Variants in SOX5 observed in about 807,000 individuals in gnomAD.
SOX5 encodes the protein SRY-box transcription factor 5.
In SOX5, 9 loss-of-function variants were observed where a neutral mutation model predicts 92.0. That is an observed-to-expected ratio of 0.10 (90% CI 0.06 to 0.17). The LOEUF is 0.17. SOX5 is among the 10% of genes least tolerant of loss of function. SOX5 has a pLI of 1.00. For synonymous variants in SOX5, 344 were observed against 336.3 expected, an observed-to-expected ratio of 1.02 and a Z score of -0.25; for missense variants, 642 against 944.5, an observed-to-expected ratio of 0.68 and a Z score of 4.20.
At chr12:23,988,345 C>A (rs16926929) in intron 4 of SOX5, among the ~76,000 whole-genome samples, 1 of 152,056 alleles carries the variant, frequency 6.6e-6, no homozygotes, top group African/African-American at 2.4e-5. Context: ...AGATCCCAAC[C>A]TTTAGAGTGA....
At chr12:23,836,954 T>C (rs1029602705) in intron 3 of SOX5, among the ~76,000 whole-genome samples, 1 of 151,618 alleles carries the variant, frequency 6.6e-6, no homozygotes, top group Non-Finnish European at 1.5e-5. Flanking sequence ...AGAGTATAAG[T>C]TTTTTAGTTA....
intron 3 of SOX5, among the ~76,000 whole-genome samples, chr12:24,230,089 G>A (rs1963045206): frequency 6.6e-6 from 1 of 152,098 alleles, no homozygotes; most frequent in African/African-American, 2.4e-5. Context: ...CCATCACTCA[G>A]ATTGGCCTTG....
At chr12:24,334,913 T>C (rs74490626) in intron 2 of SOX5, among the ~76,000 whole-genome samples, 1 of 147,824 alleles carries the variant, frequency 6.8e-6, no homozygotes, top group African/African-American at 2.5e-5. Flanking sequence ...CCCAATTATG[T>C]AAAAAAAAAA....
intron 6 of SOX5, among the ~76,000 whole-genome samples, chr12:23,728,888 C>G (rs1196525645): frequency 6.6e-6 from 1 of 152,072 alleles, no homozygotes; most frequent in East Asian, 1.9e-4. Flanking sequence ...AATTTCTAAC[C>G]TTACTTAGTT....
chr12:24,523,937 A>C (rs1345514872), intron 1 of SOX5, among the ~76,000 whole-genome samples: 1 of 152,264 alleles, frequency 6.6e-6, no homozygotes, highest in Non-Finnish European at 1.5e-5. Context: ...AAGACAATCA[A>C]AGAGTGAAAA....
intron 6 of SOX5, among the ~76,000 whole-genome samples, chr12:23,714,144 GCTCTTTCTTAA>G (rs1234356493): frequency 6.6e-6 from 1 of 150,952 alleles, no homozygotes; most frequent in Non-Finnish European, 1.5e-5. Flanking sequence ...TGGTACATTT[GCTCTTTCTTAA>G]CTGTTTGGTA....
intron 2 of SOX5, among the ~76,000 whole-genome samples, chr12:23,861,032 G>C (rs1325763149): frequency 6.9e-6 from 1 of 145,546 alleles, no homozygotes; most frequent in African/African-American, 2.6e-5. Context: ...CAAACAGAGA[G>C]AGAAGTAGGA....
chr12:24,487,921 T>A (rs7970266), intron 1 of SOX5, among the ~76,000 whole-genome samples: 4 of 151,868 alleles, frequency 2.6e-5, no homozygotes, highest in Non-Finnish European at 4.4e-5. Flanking sequence ...TCAGTACGTT[T>A]CAAACCCAAG....
At chr12:24,243,196 C>A (rs1418564520) in intron 3 of SOX5, among the ~76,000 whole-genome samples, 1 of 152,074 alleles carries the variant, frequency 6.6e-6, no homozygotes, top group African/African-American at 2.4e-5. Context: ...AGCTCATTTA[C>A]CTGATCCTAC....
At chr12:24,229,630 T>C (rs1025415715) in intron 3 of SOX5, among the ~76,000 whole-genome samples, 2 of 152,180 alleles carry the variant, frequency 1.3e-5, no homozygotes, top group Non-Finnish European at 1.5e-5. Context: ...GTAAATCACT[T>C]TGACACCCTT....
At chr12:24,484,319 A>C (rs774870031) in intron 1 of SOX5, among the ~76,000 whole-genome samples, 8 of 152,200 alleles carry the variant, frequency 5.3e-5, no homozygotes, top group Non-Finnish European at 1.2e-4. Flanking sequence ...AAGAATTATA[A>C]ACTTCTTGAG....
At chr12:24,413,172 G>A (rs1397573130) in intron 1 of SOX5, among the ~76,000 whole-genome samples, 2 of 152,242 alleles carry the variant, frequency 1.3e-5, no homozygotes, top group Middle Eastern at 3.4e-3. Context: ...ATAACATTGT[G>A]AGTTTGTCTA....
At chr12:24,267,539 C>G (rs1466026586) in intron 3 of SOX5, among the ~76,000 whole-genome samples, 1 of 152,138 alleles carries the variant, frequency 6.6e-6, no homozygotes, top group Non-Finnish European at 1.5e-5. Flanking sequence ...CAGAATATGA[C>G]TGTGAGCAAC....
intron 6 of SOX5, among the ~76,000 whole-genome samples, chr12:23,692,189 T>A (rs1467348245): frequency 3.3e-5 from 5 of 152,038 alleles, no homozygotes; most frequent in Non-Finnish European, 5.9e-5. Flanking sequence ...TCTCAGCACC[T>A]TGGGAGGCCG....
intron 4 of SOX5, among the ~76,000 whole-genome samples, chr12:24,100,536 G>C (rs1368352458): frequency 6.6e-6 from 1 of 151,706 alleles, no homozygotes; most frequent in Admixed American, 6.6e-5. Context: ...GCCTCAAATT[G>C]TTCGGGGAAC....
intron 4 of SOX5, among the ~76,000 whole-genome samples, chr12:24,095,137 AG>A (rs1258417624): frequency 2.3e-4 from 28 of 122,072 alleles, no homozygotes; most frequent in African/African-American, 8.1e-4. Context: ...ACAGAGAGAG[AG>A]AGAGAGAGAG....
chr12:24,207,435 G>T (rs1958136083), intron 4 of SOX5, among the ~76,000 whole-genome samples: 1 of 152,124 alleles, frequency 6.6e-6, no homozygotes, highest in Non-Finnish European at 1.5e-5. Context: ...GCCTGTCACA[G>T]AGTAAGACTC....
At chr12:23,613,664 G>A (rs761286377) in intron 8 of SOX5, among the ~76,000 whole-genome samples, 2 of 152,132 alleles carry the variant, frequency 1.3e-5, no homozygotes, top group Middle Eastern at 3.2e-3. Flanking sequence ...TACACACAAT[G>A]AATTATTATT....
At chr12:23,985,698 C>T (rs577934582) in intron 4 of SOX5, among the ~76,000 whole-genome samples, 9 of 151,284 alleles carry the variant, frequency 5.9e-5, no homozygotes, top group Non-Finnish European at 1.3e-4. Context: ...AAAAAGGAAA[C>T]TGTATGAGTT....
Sources: gnomAD v4.1 joint callset for allele counts (sites outside exome capture counted in the v4.1 genomes callset) on GRCh38, gnomAD v4.1.1 for gene constraint, MANE v1.5 for transcripts, NCBI Gene and HGNC (gene_info 2026-07-23, HGNC 2026-07-21) for gene names.